Variants in RTN4 observed in about 807,000 individuals in gnomAD.
RTN4 encodes the protein reticulon 4.
A neutral mutation model predicts 90.4 loss-of-function variants in RTN4; 32 were observed. The ratio of observed to expected loss-of-function variants is 0.35; its 90% CI spans 0.27 to 0.48. The LOEUF is 0.48. Ranked by LOEUF, RTN4 falls within the 20% of genes least tolerant of loss-of-function variation. The pLI is 0.99. For synonymous variants in RTN4, 629 were observed against 552.5 expected (o/e 1.14, Z -1.94); for missense variants, 1,706 against 1,430.2 (o/e 1.19, Z -3.11).
chr2:54,979,668 T>G (rs1677960901), intron 5 of RTN4, among the ~76,000 whole-genome samples: 1 of 152,218 alleles, frequency 6.6e-6, no homozygotes, highest in Admixed American at 6.5e-5. Context: ...GGAAGACCTT[T>G]CATGTACATT....
At chr2:55,014,960 A>G (rs968708406) in intron 3 of RTN4, among the ~76,000 whole-genome samples, 3 of 152,208 alleles carry the variant, frequency 2.0e-5, no homozygotes, top group Non-Finnish European at 2.9e-5. Flanking sequence ...TAGTAGTATG[A>G]TTAAAGCATT....
chr2:55,018,643 A>G (rs747947891), intron 3 of RTN4, among the ~76,000 whole-genome samples: 4 of 152,206 alleles, frequency 2.6e-5, no homozygotes, highest in Admixed American at 1.3e-4. Flanking sequence ...GGTTCTCACT[A>G]TAAAAGAAGA....
At chr2:55,075,588 A>G (rs1336832198) in intron 2 of RTN4, among the ~76,000 whole-genome samples, 1 of 152,204 alleles carries the variant, frequency 6.6e-6, no homozygotes, top group African/African-American at 2.4e-5. Flanking sequence ...TAGAAGAAAC[A>G]ATCCTAAAAT....
chr2:55,031,246 C>G (rs1682289837), intron 1 of RTN4, among the ~76,000 whole-genome samples: 1 of 152,166 alleles, frequency 6.6e-6, no homozygotes, highest in African/African-American at 2.4e-5. Flanking sequence ...AGAGGCAGGA[C>G]AGCAGTGTGA....
At chr2:55,126,907 C>T in the RTN4 span, among the ~76,000 whole-genome samples, 4 of 152,154 alleles carry the variant, frequency 2.6e-5, no homozygotes, top group Admixed American at 2.6e-4. Flanking sequence ...CAAATTAATG[C>T]AGGAACGGAA....
At chr2:55,028,261 C>T (rs1284367785) in intron 1 of RTN4, 41 bp from the exon 2 acceptor site, 1 of 1,572,500 alleles carries the variant, frequency 6.4e-7, no homozygotes, top group Non-Finnish European at 8.7e-7. Context: ...GAAATAAAGA[C>T]AGATTGAAAG....
At chr2:55,053,761 T>A (rs979315165), upstream of RTN4, among the ~76,000 whole-genome samples, 2 of 151,936 alleles carry the variant, frequency 1.3e-5, no homozygotes, top group African/African-American at 4.8e-5. Flanking sequence ...AGTTTTCAGA[T>A]ACCACTGGTT....
the RTN4 span, among the ~76,000 whole-genome samples, chr2:55,119,610 A>C: frequency 6.6e-6 from 1 of 152,232 alleles, no homozygotes; most frequent in Non-Finnish European, 1.5e-5. Flanking sequence ...GGGCAGAGTG[A>C]CCAGCCCAAC....
chr2:55,086,232 G>A (rs769602072), intron 1 of RTN4, among the ~76,000 whole-genome samples: 4 of 152,188 alleles, frequency 2.6e-5, no homozygotes, highest in Non-Finnish European at 5.9e-5. Context: ...ATTGATCACT[G>A]TCTACAAGTA....
chr2:55,051,352 A>C (rs1016327411), upstream of RTN4, among the ~76,000 whole-genome samples: 1 of 152,160 alleles, frequency 6.6e-6, no homozygotes, highest in African/African-American at 2.4e-5. Context: ...TTCACGTTAC[A>C]TTTCAGTCAC....
At chr2:55,017,675 C>G (rs1470183675) in intron 3 of RTN4, among the ~76,000 whole-genome samples, 3 of 152,298 alleles carry the variant, frequency 2.0e-5, no homozygotes, top group Middle Eastern at 3.4e-3. Flanking sequence ...GAGCACCTTT[C>G]TGTACCAATG....
At position 55,049,036 on chromosome 2, in the gene RTN4, T is replaced by C. The variant is rs1045313467; in HGVS notation, c.556+709A>G. 4 of 909,722 alleles carry C rather than the reference T, an allele frequency of 4.4e-6. No individual in the cohort carries two copies. The African/African-American group carries it at 7.2e-5, about 16-fold the overall frequency. 56.4% of individuals were successfully genotyped at this position (909,722 alleles called of 1,614,324 possible). A position where few individuals can be genotyped will look rare whatever the true frequency, so the allele number is the denominator to read the frequency against. ...GCTCGGTTTAGCTGGTGGGGAGCAGTCCACATCACACCCCGGGGAGCTGGG... is the reference window on the plus strand; with the variant it reads ...GCTCGGTTTAGCTGGTGGGGAGCAGCCCACATCACACCCCGGGGAGCTGGG... On this transcript the variant is annotated intron_variant, in intron 1 of 8. Coordinates refer to ENST00000337526, the MANE Select transcript of RTN4 (RefSeq NM_020532.5).
chr2:55,080,215 G>A (rs1198258115), intron 2 of RTN4, among the ~76,000 whole-genome samples: 5 of 151,810 alleles, frequency 3.3e-5, no homozygotes, highest in East Asian at 1.9e-4. Flanking sequence ...ATGGGGTCTC[G>A]CCATGTCACC....
At chr2:55,125,118 T>C in the RTN4 span, among the ~76,000 whole-genome samples, 1 of 152,144 alleles carries the variant, frequency 6.6e-6, no homozygotes, top group Non-Finnish European at 1.5e-5. Context: ...TAAAGATGAA[T>C]TAAAGTCTTA....
At chr2:55,064,719 G>A (rs545661736) in intron 2 of RTN4, among the ~76,000 whole-genome samples, 1 of 152,170 alleles carries the variant, frequency 6.6e-6, no homozygotes, top group South Asian at 2.1e-4. Context: ...GACTGTGAAA[G>A]TACAATAACT....
At chr2:54,977,878 A>G (rs1340159297) in intron 5 of RTN4, among the ~76,000 whole-genome samples, 1 of 152,180 alleles carries the variant, frequency 6.6e-6, no homozygotes, top group African/African-American at 2.4e-5. Context: ...TCTGCAGAAC[A>G]TGTCTTATTT....
rs1340043933 is a variant in RTN4, at chr2:54,973,860, A to G, written c.3438T>C (p.Ile1146=). The stretch of plus-strand genomic sequence containing the variant: ...AAATAACAGGAACACTGAAGAGTGA[A>G]ATGAGAGCTGAAAAGGGAAATATAC... The part of the protein sequence containing the change: ...NGLTLLILAL[I]SLFSVPVIYE... Residue 1146 remains isoleucine, a synonymous_variant, in exon 7 of 9, where the codon ATT becomes ATC. Coordinates refer to ENST00000337526, the MANE Select transcript of RTN4 (RefSeq NM_020532.5). 1 of 1,612,532 alleles carries G rather than the reference A, an allele frequency of 6.2e-7. No individual in the cohort carries two copies.
chr2:55,037,175 CAA>C (rs1476841272), intron 1 of RTN4, among the ~76,000 whole-genome samples: 1 of 152,090 alleles, frequency 6.6e-6, no homozygotes, highest in African/African-American at 2.4e-5. Context: ...ATAAATTTGA[CAA>C]GAGATGCACA....
chr2:55,083,104 G>A (rs541533184), intron 1 of RTN4, among the ~76,000 whole-genome samples: 32 of 152,310 alleles, frequency 2.1e-4, no homozygotes, highest in Non-Finnish European at 2.5e-4. Flanking sequence ...GAGTACATAA[G>A]TTAATATCAA....
Sources: gnomAD v4.1 joint callset for allele counts (sites outside exome capture counted in the v4.1 genomes callset) on GRCh38, gnomAD v4.1.1 for gene constraint, MANE v1.5 for transcripts, NCBI Gene and HGNC (gene_info 2026-07-23, HGNC 2026-07-21) for gene names.